The following SGCZ variants were observed in gnomAD, a reference collection of about 807,000 sequenced individuals.
The protein encoded by SGCZ is zeta-sarcoglycan.
SGCZ carries 40 observed loss-of-function variants against 41.3 expected under a neutral mutation model. The observed-to-expected ratio is 0.97, with a 90% CI of 0.75 to 1.26. The LOEUF is 1.26. Among genes scored for constraint, SGCZ ranks in the 50% most tolerant of loss-of-function variants. The pLI is 0.00. For missense variants in SGCZ, 552 were observed against 369.8 expected (o/e 1.49, Z -4.04); for synonymous variants, 206 against 137.5 (o/e 1.50, Z -3.49).
At chr8:14,498,832 A>G (rs935823528) in intron 2 of SGCZ, among the ~76,000 whole-genome samples, 2 of 151,986 alleles carry the variant, frequency 1.3e-5, no homozygotes, top group Non-Finnish European at 2.9e-5. Context: ...AATATTTTGC[A>G]TCGACCCAGA....
At chr8:14,339,966 T>C (rs1802645574) in intron 2 of SGCZ, among the ~76,000 whole-genome samples, 1 of 152,132 alleles carries the variant, frequency 6.6e-6, no homozygotes, top group Non-Finnish European at 1.5e-5. Context: ...TCAACATTAA[T>C]AGTAAAGCAT....
At chr8:14,662,037 G>C (rs185601171) in intron 1 of SGCZ, among the ~76,000 whole-genome samples, 229 of 152,160 alleles carry the variant, frequency 1.5e-3, no homozygotes, top group African/African-American at 5.2e-3. Context: ...AACCAGCTAA[G>C]TAAATAAGTA....
chr8:14,308,019 G>GAA (rs1467731186), intron 3 of SGCZ, among the ~76,000 whole-genome samples: 2 of 151,994 alleles, frequency 1.3e-5, no homozygotes, highest in Non-Finnish European at 1.5e-5. Flanking sequence ...CATGACCAAG[G>GAA]AAAGAACTTT....
intron 2 of SGCZ, among the ~76,000 whole-genome samples, chr8:14,465,738 T>A (rs1307262219): frequency 6.6e-6 from 1 of 151,810 alleles, no homozygotes; most frequent in African/African-American, 2.4e-5. Flanking sequence ...TGAATTTATA[T>A]CAGCTTAACT....
At chr8:14,465,229 C>G (rs1480063197) in intron 2 of SGCZ, among the ~76,000 whole-genome samples, 1 of 151,384 alleles carries the variant, frequency 6.6e-6, no homozygotes, top group Non-Finnish European at 1.5e-5. Flanking sequence ...ACTTTTGCCT[C>G]ATATGTTTTG....
chr8:15,177,516 G>A (rs1800035350), intron 1 of SGCZ, among the ~76,000 whole-genome samples: 1 of 152,104 alleles, frequency 6.6e-6, no homozygotes, highest in South Asian at 2.1e-4. Flanking sequence ...CTTACAATGG[G>A]AGGCATTGTA....
chr8:14,323,091 G>T lies in SGCZ; in HGVS notation c.336+1012C>A, dbSNP rs567739096. 4.3e-4 allele frequency among the ~76,000 whole-genome samples: 65 copies of T among 152,108 alleles called. 1 individual carries two copies. The highest frequency in any genetic ancestry group is 1.4e-3 in the African/African-American group (59 of 41,508). ...CTAGTACCAGAGTAGAGTCAATACA[G>T]TATATTAGAAGCTGTATCAGTTTGC... On this transcript the variant is annotated intron_variant, in intron 3 of 7. Coordinates refer to ENST00000382080, the MANE Select transcript of SGCZ (RefSeq NM_139167.4).
At chr8:14,781,740 G>T (rs571439054) in intron 1 of SGCZ, among the ~76,000 whole-genome samples, 1 of 152,050 alleles carries the variant, frequency 6.6e-6, no homozygotes, top group Non-Finnish European at 1.5e-5. Context: ...TTGCTTAATA[G>T]ACCTAAATTA....
At chr8:14,411,338 T>G (rs986391820) in intron 2 of SGCZ, among the ~76,000 whole-genome samples, 1 of 152,172 alleles carries the variant, frequency 6.6e-6, no homozygotes, top group African/African-American at 2.4e-5. Context: ...ACCATTGTTT[T>G]TAGTCATCAG....
In SGCZ at chr8:15,058,200, C is replaced by A. The variant is rs116388198; in HGVS notation, c.39+179385G>T. ...ATAACAGCAGTATGTCTCAATAAGT[C>A]TTTTTTTAAAAGGGGTGGAACCATA... On this transcript the variant is annotated intron_variant, in intron 1 of 7. Coordinates refer to ENST00000382080, the MANE Select transcript of SGCZ (RefSeq NM_139167.4). Among the ~76,000 whole-genome samples, 706 of 152,128 alleles carry A rather than the reference C, an allele frequency of 4.6e-3. 10 individuals are homozygous for A. The highest frequency in any genetic ancestry group is 0.016 in the African/African-American group (675 of 41,518).
At chr8:14,872,185 G>T (rs1436562877) in intron 1 of SGCZ, among the ~76,000 whole-genome samples, 1 of 151,994 alleles carries the variant, frequency 6.6e-6, no homozygotes, top group East Asian at 1.9e-4. Flanking sequence ...AGGGGCTAGG[G>T]GAGGGATAGC....
At chr8:14,806,659 G>A (rs1474862093) in intron 1 of SGCZ, among the ~76,000 whole-genome samples, 1 of 151,964 alleles carries the variant, frequency 6.6e-6, no homozygotes, top group Non-Finnish European at 1.5e-5. Flanking sequence ...GGTACAAGGA[G>A]GAACTGGTAC....
chr8:14,267,267 T>C (rs750289062), intron 3 of SGCZ, among the ~76,000 whole-genome samples: 4 of 152,038 alleles, frequency 2.6e-5, no homozygotes, highest in Non-Finnish European at 4.4e-5. Flanking sequence ...GTATTATATG[T>C]CATAAGATGA....
At chr8:14,384,812 G>A (rs1269686924) in intron 2 of SGCZ, among the ~76,000 whole-genome samples, 2 of 152,178 alleles carry the variant, frequency 1.3e-5, no homozygotes, top group Non-Finnish European at 2.9e-5. Context: ...TGGCTTCCCA[G>A]AGTGCTAGGG....
At chr8:14,606,755 C>T (rs900095557) in intron 1 of SGCZ, among the ~76,000 whole-genome samples, 1 of 152,082 alleles carries the variant, frequency 6.6e-6, no homozygotes, top group South Asian at 2.1e-4. Context: ...TGTTAAATGT[C>T]TTTTTATGGA....
intron 1 of SGCZ, among the ~76,000 whole-genome samples, chr8:14,609,804 A>G (rs1237754707): frequency 1.3e-5 from 2 of 152,168 alleles, no homozygotes; most frequent in African/African-American, 2.4e-5. Flanking sequence ...AAGTAGCACA[A>G]TAGAGAAACT....
chr8:14,389,720 A>T (rs773936102), intron 2 of SGCZ, among the ~76,000 whole-genome samples: 17 of 152,002 alleles, frequency 1.1e-4, no homozygotes, highest in Non-Finnish European at 2.1e-4. Context: ...AGGAAATGAG[A>T]ATGAAGAAAC....
intron 1 of SGCZ, among the ~76,000 whole-genome samples, chr8:15,022,873 G>A (rs571547619): frequency 2.0e-5 from 3 of 152,270 alleles, no homozygotes; most frequent in South Asian, 2.1e-4. Context: ...AGATAAAGAC[G>A]TTAAGGTTTA....
chr8:14,903,654 G>T (rs186339614), intron 1 of SGCZ, among the ~76,000 whole-genome samples: 14 of 152,136 alleles, frequency 9.2e-5, no homozygotes, highest in Non-Finnish European at 1.9e-4. Context: ...GGAAGACTGA[G>T]AATTTGAAAG....
Sources: allele counts gnomAD v4.1 joint callset (sites outside exome capture counted in the v4.1 genomes callset), GRCh38; gene constraint gnomAD v4.1.1; transcripts MANE v1.5; gene names NCBI Gene and HGNC (gene_info 2026-07-23, HGNC 2026-07-21).